CREB5: variants seen among roughly 807,000 people sequenced by gnomAD.
The protein encoded by CREB5 is cAMP responsive element binding protein 5.
CREB5 carries 19 observed loss-of-function variants against 57.1 expected under a neutral mutation model. The observed-to-expected ratio is 0.33, with a 90% CI of 0.23 to 0.49. CREB5 has a LOEUF of 0.49. Among genes scored for constraint, CREB5 ranks in the 20% least tolerant of loss-of-function variants. The probability of loss-of-function intolerance (pLI) is 0.99; values close to 1 mark genes in which losing one functional copy is unlikely to be tolerated. For synonymous variants in CREB5, 238 were observed against 238.3 expected (o/e 1.00, Z 0.01); for missense variants, 579 against 671.6 (o/e 0.86, Z 1.52).
intron 1 of CREB5, among the ~76,000 whole-genome samples, chr7:28,482,731 A>G (rs1249849693): frequency 6.6e-6 from 1 of 152,210 alleles, no homozygotes; most frequent in Admixed American, 6.5e-5. Context: ...CAGATTTATA[A>G]TGCATTCATT....
intron 1 of CREB5, among the ~76,000 whole-genome samples, chr7:28,359,040 A>T (rs1786404921): frequency 6.6e-6 from 1 of 152,102 alleles, no homozygotes; most frequent in African/African-American, 2.4e-5. Context: ...CATTCAGGAG[A>T]ATTTGTTTCT....
At chr7:28,753,839 T>C (rs575665336) in intron 7 of CREB5, among the ~76,000 whole-genome samples, 42 of 152,164 alleles carry the variant, frequency 2.8e-4, no homozygotes, top group African/African-American at 1.0e-3. Context: ...CTAAATCTAA[T>C]TAGAAAATAC....
intron 5 of CREB5, among the ~76,000 whole-genome samples, chr7:28,611,886 A>G (rs1797402731): frequency 6.6e-6 from 1 of 152,044 alleles, no homozygotes; most frequent in African/African-American, 2.4e-5. Flanking sequence ...ATTTTACTAT[A>G]TGTAAATTAT....
At chr7:28,657,716 CG>C (rs1447825077) in intron 5 of CREB5, among the ~76,000 whole-genome samples, 33 of 32,676 alleles carry the variant, frequency 1.0e-3, no homozygotes, top group African/African-American at 3.5e-3. Flanking sequence ...GACTCTCTCT[CG>C]AAAAAAAAAA....
intron 4 of CREB5, among the ~76,000 whole-genome samples, chr7:28,525,556 A>G (rs540934960): frequency 6.6e-5 from 10 of 152,086 alleles, no homozygotes; most frequent in African/African-American, 2.4e-4. Flanking sequence ...TGTGGTTTTG[A>G]TTTGCGTTAC....
At chr7:28,721,039 CT>C (rs1279027371) in intron 6 of CREB5, among the ~76,000 whole-genome samples, 3 of 152,188 alleles carry the variant, frequency 2.0e-5, no homozygotes, top group Non-Finnish European at 4.4e-5. Context: ...AAAGGTTCAG[CT>C]GCATGGTCAA....
chr7:28,480,010 T>A (rs1319091825), intron 1 of CREB5, among the ~76,000 whole-genome samples: 1 of 83,750 alleles, frequency 1.2e-5, no homozygotes. Flanking sequence ...TTATCTAGAA[T>A]AAAAATCCAA....
At chr7:28,599,717 C>T (rs1796834584) in intron 5 of CREB5, among the ~76,000 whole-genome samples, 1 of 143,360 alleles carries the variant, frequency 7.0e-6, no homozygotes, top group Admixed American at 6.8e-5. Flanking sequence ...TCCAGGGAGA[C>T]CCAGGTGTTT....
chr7:28,396,181 C>T (rs544160822), intron 1 of CREB5, among the ~76,000 whole-genome samples: 57 of 152,270 alleles, frequency 3.7e-4, no homozygotes, highest in African/African-American at 1.4e-3. Flanking sequence ...CTGTAGCAAA[C>T]ATGATTCTAC....
intron 1 of CREB5, among the ~76,000 whole-genome samples, chr7:28,346,851 G>T (rs1786067294): frequency 9.1e-6 from 1 of 109,382 alleles, no homozygotes; most frequent in Admixed American, 9.8e-5. Context: ...CAACTTGAAA[G>T]ATCTGAGTGC....
intron 7 of CREB5, among the ~76,000 whole-genome samples, chr7:28,726,481 T>C (rs1803344663): frequency 6.6e-6 from 1 of 152,162 alleles, no homozygotes; most frequent in African/African-American, 2.4e-5. Flanking sequence ...CTAGCAGCTT[T>C]GGGCTGCTCA....
At chr7:28,560,987 T>TGCGCGCGTGTGTGCGCGTGC (rs1212595303) in intron 4 of CREB5, among the ~76,000 whole-genome samples, 1 of 64,454 alleles carries the variant, frequency 1.6e-5, no homozygotes, top group Admixed American at 1.8e-4. Flanking sequence ...TGTGCGTGCG[T>TGCGCGCGTGTGTGCGCGTGC]GTGTGTGCCT....
intron 1 of CREB5, among the ~76,000 whole-genome samples, chr7:28,367,060 A>G (rs1040414356): frequency 1.3e-5 from 2 of 151,996 alleles, no homozygotes; most frequent in Non-Finnish European, 2.9e-5. Flanking sequence ...TTTTCGGCAT[A>G]CTCTTAAGAC....
At chr7:28,505,434 C>G (rs564148152) in intron 3 of CREB5, among the ~76,000 whole-genome samples, 1 of 152,254 alleles carries the variant, frequency 6.6e-6, no homozygotes, top group Non-Finnish European at 1.5e-5. Flanking sequence ...TTAAAGCTAA[C>G]CCATTATGGT....
intron 5 of CREB5, among the ~76,000 whole-genome samples, chr7:28,644,710 G>C (rs1400361258): frequency 6.7e-6 from 1 of 149,588 alleles, no homozygotes; most frequent in African/African-American, 2.6e-5. Context: ...AACCAGAAAG[G>C]TTCTAGTGCA....
At chr7:28,769,197 T>G (rs1447714417) in intron 7 of CREB5, among the ~76,000 whole-genome samples, 1 of 152,238 alleles carries the variant, frequency 6.6e-6, no homozygotes, top group Non-Finnish European at 1.5e-5. Flanking sequence ...GGCCTGAAAC[T>G]ATAGCTCATT....
intron 5 of CREB5, among the ~76,000 whole-genome samples, chr7:28,612,412 T>C (rs551470835): frequency 1.6e-4 from 24 of 152,198 alleles, no homozygotes; most frequent in African/African-American, 4.6e-4. Context: ...ACATACTCAA[T>C]TAGGTACAGG....
chr7:28,513,538 GA>G (rs1792808143), intron 4 of CREB5: 1 of 144,788 alleles, frequency 6.9e-6, no homozygotes, highest in Non-Finnish European at 1.5e-5. Flanking sequence ...CCCAATGACT[GA>G]AAACCCTAAG....
chr7:28,690,164 A>T (rs1801177122), intron 5 of CREB5, among the ~76,000 whole-genome samples: 1 of 152,016 alleles, frequency 6.6e-6, no homozygotes, highest in Admixed American at 6.6e-5. Context: ...ACTGTGTTTT[A>T]CCTTCCCTTG....
Sources: gnomAD v4.1 joint callset for allele counts (sites outside exome capture counted in the v4.1 genomes callset) on GRCh38, gnomAD v4.1.1 for gene constraint, MANE v1.5 for transcripts, NCBI Gene and HGNC (gene_info 2026-07-23, HGNC 2026-07-21) for gene names.